CD22: variants seen among roughly 807,000 people sequenced by gnomAD.
CD22 encodes CD22 molecule.
CD22 carries 51 observed loss-of-function variants against 94.7 expected under a neutral mutation model. That is an observed-to-expected ratio of 0.54 (90% confidence interval 0.43 to 0.68). The LOEUF (loss-of-function observed/expected upper bound fraction) is 0.68. Ranked by LOEUF, CD22 falls within the 30% of genes least tolerant of loss-of-function variation. The pLI is 0.00. For missense variants in CD22, 931 were observed against 1,060.4 expected, an observed-to-expected ratio of 0.88 and a Z score of 1.69; for synonymous variants, 424 against 422.5, an observed-to-expected ratio of 1.00 and a Z score of -0.04.
chr19:35,346,796 G>C lies in CD22; in HGVS notation c.*99G>C. 9.4e-7 allele frequency: 1 copy of C among 1,066,612 alleles called. No individual in the cohort carries two copies. Among genetic ancestry groups the C allele is most frequent in the Non-Finnish European group, 1.4e-6 (1 of 740,350 alleles). The allele number at this position is 1,066,612 out of a possible 1,614,324, so 66.1% of individuals were successfully genotyped here. A position where few individuals can be genotyped will look rare whatever the true frequency, so the allele number is the denominator to read the frequency against. ...CCACATGGCTTCCTCCTGCGCGCAT[G>C]TGCGCACACACACACACACACGCAC... On this transcript the variant is annotated 3_prime_UTR_variant, in exon 14 of 14. Transcript: ENST00000085219.
At chr19:35,330,427 G>C (rs1012758905) in intron 1 of CD22, 1 of 152,258 alleles carries the variant, frequency 6.6e-6, no homozygotes, top group Non-Finnish European at 1.5e-5. Context: ...CATGTGACAT[G>C]ATGAGTACCT....
At chr19:35,329,507 G>A in intron 1 of CD22, 1 of 344,022 alleles carries the variant, frequency 2.9e-6, no homozygotes, top group South Asian at 2.2e-5. Context: ...CCCTCAACAG[G>A]CCTGGACTGA....
intron 6 of CD22, among the ~76,000 whole-genome samples, 186 bp downstream of exon 6, chr19:35,338,617 T>C (rs2066760287): frequency 6.6e-6 from 1 of 151,750 alleles, no homozygotes; most frequent in Non-Finnish European, 1.5e-5. Flanking sequence ...GCTTGGTAGA[T>C]GCTTGTTTTT....
At chr19:35,335,965 A>T in intron 3 of CD22, 71 bp from the exon 4 acceptor site, 3 of 1,309,800 alleles carry the variant, frequency 2.3e-6, no homozygotes, top group Non-Finnish European at 3.2e-6. Context: ...TTGGGACAGG[A>T]CATCTAAAGC....
At position 35,346,604 on chromosome 19, in the gene CD22, T is replaced by C. The variant is rs772677205; in HGVS notation, c.2451T>C (p.Asp817=). The change falls in exon 14 of 14, where the codon GAT becomes GAC. Residue 817 remains aspartate (D), a synonymous_variant. Coordinates refer to ENST00000085219, the MANE Select transcript of CD22 (RefSeq NM_001771.4). ...ACGTCATTCCAGATTTTCCAGAAGATGAGGGGATTCATTACTCAGAGCTGA... is the reference window on the plus strand; with the variant it reads ...ACGTCATTCCAGATTTTCCAGAAGACGAGGGGATTCATTACTCAGAGCTGA... ...YENVIPDFPE[D]EGIHYSELIQ... 1 of 1,605,988 alleles carries C rather than the reference T, an allele frequency of 6.2e-7. No individual in the cohort carries two copies. The highest frequency in any genetic ancestry group is 8.5e-7 in the Non-Finnish European group (1 of 1,175,772).
Position 35,341,520 on chromosome 19 carries a change from C to G in CD22, c.1685C>G (p.Ser562Cys), listed in dbSNP as rs750286044. 2.5e-6 allele frequency: 4 copies of G among 1,614,088 alleles called. No homozygotes were observed. In the Admixed American group the frequency reaches 6.7e-5, roughly 27 times the overall value. ...KESQLNFDSI[S>C]PEDAGSYSCW... ...AGCCAGCTGAATTTTGACTCCATCTCCCCAGAAGATGCTGGGAGTTACAGC... is the reference window on the plus strand; with the variant it reads ...AGCCAGCTGAATTTTGACTCCATCTGCCCAGAAGATGCTGGGAGTTACAGC... The change falls in exon 8 of 14, where the codon TCC (serine) becomes TGC (cysteine). Residue 562 changes from serine (S) to cysteine (C), a missense_variant. By Grantham distance (112) the Ser-to-Cys change is moderately radical. Coordinates refer to ENST00000085219, the MANE Select transcript of CD22 (RefSeq NM_001771.4). The surrounding 1 kb of genome is among the most constrained non-coding windows in gnomAD (Gnocchi z 4.0).
chr19:35,346,292 C>T, intron 13 of CD22, 57 bp downstream of exon 13: 3 of 1,466,872 alleles, frequency 2.0e-6, no homozygotes, highest in Non-Finnish European at 2.9e-6. Context: ...GGGGACAGGG[C>T]CTGGCCTCAG....
intron 9 of CD22, among the ~76,000 whole-genome samples, chr19:35,343,256 C>T (rs1398933657): frequency 6.6e-6 from 1 of 152,054 alleles, no homozygotes; most frequent in Non-Finnish European, 1.5e-5. Context: ...TTAAACAGAT[C>T]ATACAAGCAC....
rs1272164525 is a variant in CD22 at position 35,345,719 on chromosome 19, G to A, written c.2326G>A (p.Gly776Arg). The change falls in exon 12 of 14, where the codon GGA becomes AGA. Residue 776 changes from glycine to arginine, a missense_variant and splice_region_variant. By Grantham distance (125) the Gly-to-Arg change is moderately radical (BLOSUM62 -2). Coordinates refer to ENST00000085219, the MANE Select transcript of CD22 (RefSeq NM_001771.4). ...TCCCGAGATGAACATACCACGAACT[G>A]GGTACTGAGGGTACCAGGAGGGTGA... The part of the protein sequence containing the change: ...RFPEMNIPRT[G>R]DAESSEMQRP... 3 of 1,587,104 alleles carry A rather than the reference G, an allele frequency of 1.9e-6. No individual in the cohort carries two copies. The Admixed American group carries it at 5.0e-5, about 26-fold the overall frequency.
rs2066918021 is a variant in CD22 at position 35,346,928 on chromosome 19, C to T, written c.*231C>T. 1 of 487,834 alleles carries T rather than the reference C, an allele frequency of 2.0e-6. No individual in the cohort carries two copies. Among genetic ancestry groups the T allele is most frequent in the South Asian group, 2.7e-5 (1 of 37,164 alleles). The allele number at this position is 487,834 out of a possible 1,614,324, so 30.2% of individuals were successfully genotyped here. ...CAAAACTCCTGCCCCTGTTCTCTTC[C>T]ACTCTCCTTGCTACCCAGAAATCCA... On this transcript the variant is annotated 3_prime_UTR_variant, in exon 14 of 14. Transcript: ENST00000085219.
intron 1 of CD22, chr19:35,329,997 G>A (rs1000962970): frequency 6.6e-6 from 1 of 152,138 alleles, no homozygotes; most frequent in Non-Finnish European, 1.5e-5. Flanking sequence ...TGTAGATAGA[G>A]TTTACTGAAA....
At chr19:35,330,214 T>C (rs182247904) in intron 1 of CD22, among the ~76,000 whole-genome samples, 1 of 152,236 alleles carries the variant, frequency 6.6e-6, no homozygotes, top group Admixed American at 6.5e-5. Flanking sequence ...CACATGCCTA[T>C]AGTCCCAGCT....
At chr19:35,330,367 T>C (rs1313864133) in intron 1 of CD22, among the ~76,000 whole-genome samples, 2 of 152,090 alleles carry the variant, frequency 1.3e-5, no homozygotes, top group Non-Finnish European at 2.9e-5. Context: ...CTTACTTAAC[T>C]CTTTTACCCT....
intron 6 of CD22, among the ~76,000 whole-genome samples, chr19:35,338,854 C>T (rs2066764553): frequency 6.6e-6 from 1 of 151,894 alleles, no homozygotes; most frequent in Admixed American, 6.5e-5. Flanking sequence ...TGGTCTCGAT[C>T]TCCTGACCTC....
Position 35,345,689 on chromosome 19 carries a change from C to A in CD22, c.2296C>A (p.Arg766Ser), listed in dbSNP as rs372211109. 1 of 1,613,316 alleles carries A rather than the reference C, an allele frequency of 6.2e-7. No homozygotes were observed. The highest frequency in any genetic ancestry group is 8.5e-7 in the Non-Finnish European group (1 of 1,179,230). The change falls in exon 12 of 14, where the codon CGC becomes AGC. Residue 766 changes from arginine (R) to serine (S), a missense_variant. Coordinates refer to ENST00000085219, the MANE Select transcript of CD22 (RefSeq NM_001771.4). ...AGATGGCATTAGCTACACCACCCTGCGCTTTCCCGAGATGAACATACCACG... is the reference window on the plus strand; with the variant it reads ...AGATGGCATTAGCTACACCACCCTGAGCTTTCCCGAGATGAACATACCACG... ...MEDGISYTTL[R>S]FPEMNIPRTG... is the part of the protein sequence containing the mutation.
chr19:35,340,969 C>CA lies in CD22; in HGVS notation c.1339dup (p.Ser447LysfsTer2). 1 of 1,614,202 alleles carries CA rather than the reference C, an allele frequency of 6.2e-7. No homozygotes were observed. The highest frequency in any genetic ancestry group is 8.5e-7 in the Non-Finnish European group (1 of 1,180,030). On this transcript the variant is annotated frameshift_variant, in exon 7 of 14. Transcript: ENST00000085219. LOFTEE classifies it high-confidence loss of function. Reference sequence around the variant, plus strand: ...TGACCCTTTCCTGTAACTACAATTCCAGTAACCCCAGTGTTACCCGGTATG... The same window carrying CA: ...TGACCCTTTCCTGTAACTACAATTCCAAGTAACCCCAGTGTTACCCGGTATG...
intron 1 of CD22, chr19:35,329,599 T>C (rs79684932): frequency 0.028 from 5,744 of 206,468 alleles, 128 homozygotes; most frequent in Middle Eastern, 0.046. Flanking sequence ...CCCTCAGCCT[T>C]CCAATTCCCG....
chr19:35,341,547 G>A lies in CD22; in HGVS notation c.1712G>A (p.Cys571Tyr). ...ISPEDAGSYS[C>Y]WVNNSIGQTA... The stretch of plus-strand genomic sequence containing the variant: ...CCAGAAGATGCTGGGAGTTACAGCT[G>A]CTGGGTGAACAACTCCATAGGACAG... Residue 571 changes from cysteine (C) to tyrosine (Y), a missense_variant, in exon 8 of 14, where the codon TGC becomes TAC. Cys to Tyr is a radical substitution (Grantham distance 194, BLOSUM62 -2). Coordinates refer to ENST00000085219, the MANE Select transcript of CD22 (RefSeq NM_001771.4). This position sits in a 1 kb window ranked among gnomAD's most constrained non-coding sequence, Gnocchi z 4.0. 6.2e-7 allele frequency: 1 copy of A among 1,614,126 alleles called. No homozygotes were observed. Among genetic ancestry groups the A allele is most frequent in the Admixed American group, 1.7e-5 (1 of 60,028 alleles).
At chr19:35,346,430 C>A (rs1568493211) in intron 13 of CD22, 136 bp from the exon 14 acceptor site, 7 of 1,281,236 alleles carry the variant, frequency 5.5e-6, no homozygotes, top group Non-Finnish European at 7.6e-6. Context: ...ATGCCGGCCA[C>A]AGCCAGTTTC....
Sources: allele counts gnomAD v4.1 joint callset (sites outside exome capture counted in the v4.1 genomes callset), GRCh38; gene constraint gnomAD v4.1.1; non-coding constraint Gnocchi (gnomAD v3.1); transcripts MANE v1.5; gene names NCBI Gene and HGNC (gene_info 2026-07-23, HGNC 2026-07-21).